The following ITGB3BP variants were observed in gnomAD, a reference collection of about 807,000 sequenced individuals.
ITGB3BP encodes centromere protein R.
ITGB3BP carries 27 observed loss-of-function variants against 29.1 expected under a neutral mutation model. The observed-to-expected ratio is 0.93, with a 90% CI of 0.68 to 1.28. ITGB3BP has a LOEUF of 1.28. ITGB3BP is among the 50% of genes most tolerant of loss of function. ITGB3BP has a pLI of 0.00. For missense variants in ITGB3BP, 192 were observed against 200.2 expected, an observed-to-expected ratio of 0.96 and a Z score of 0.25; for synonymous variants, 61 against 61.4, an observed-to-expected ratio of 0.99 and a Z score of 0.03.
chr1:63,481,927 C>A (rs1351697841), intron 3 of ITGB3BP, among the ~76,000 whole-genome samples: 1 of 151,978 alleles, frequency 6.6e-6, no homozygotes, highest in Non-Finnish European at 1.5e-5. Flanking sequence ...GGATTGAAAC[C>A]CAGACATTTA....
Position 63,446,800 on chromosome 1 carries a change from C to T in ITGB3BP, c.*1+6G>A, listed in dbSNP as rs780471835. The T allele has an allele frequency of 6.3e-7, 1 of 1,593,410 alleles. No homozygotes were observed. The highest frequency in any genetic ancestry group is 2.2e-5 in the East Asian group (1 of 44,684). On this transcript the variant is annotated splice_donor_region_variant and intron_variant, in intron 8 of 8. Transcript: ENST00000271002. ...GTTAAACTAAATTAGAAAGGTGAAACAGTACCTCAGTTTAAAATGGCTTTA... is the reference window on the plus strand; with the variant it reads ...GTTAAACTAAATTAGAAAGGTGAAATAGTACCTCAGTTTAAAATGGCTTTA...
intron 4 of ITGB3BP, 59 bp from the exon 5 acceptor site, chr1:63,455,027 A>G: frequency 1.2e-6 from 1 of 832,268 alleles, no homozygotes; most frequent in Admixed American, 2.1e-5. Context: ...ATGGCAAATC[A>G]TTTTCAGAGC....
chr1:63,514,088 A>T (rs1646258695), intron 1 of ITGB3BP, among the ~76,000 whole-genome samples: 1 of 152,222 alleles, frequency 6.6e-6, no homozygotes, highest in Non-Finnish European at 1.5e-5. Flanking sequence ...TTTTTCCAGC[A>T]TAGATTACTT....
chr1:63,463,788 G>C (rs1165894727), intron 4 of ITGB3BP, among the ~76,000 whole-genome samples: 1 of 151,876 alleles, frequency 6.6e-6, no homozygotes, highest in Non-Finnish European at 1.5e-5. Context: ...GTTTTGTGAA[G>C]AAAAAAACAT....
chr1:63,515,101 G>C (rs1313880843), intron 1 of ITGB3BP, among the ~76,000 whole-genome samples: 1 of 152,030 alleles, frequency 6.6e-6, no homozygotes, highest in Non-Finnish European at 1.5e-5. Flanking sequence ...ACCTACTTCA[G>C]ACTGTAAAAA....
rs767489772 is a variant in ITGB3BP at position 63,454,958 on chromosome 1, A to C, written c.265T>G (p.Leu89Val). 6.6e-7 allele frequency: 1 copy of C among 1,521,168 alleles called. No individual in the cohort carries two copies. The highest frequency in any genetic ancestry group is 9.1e-7 in the Non-Finnish European group (1 of 1,096,882). 94.2% of individuals were successfully genotyped at this position (1,521,168 alleles called of 1,614,324 possible). A position where few individuals can be genotyped will look rare whatever the true frequency, so the allele number is the denominator to read the frequency against. Residue 89 changes from leucine to valine, a missense_variant, in exon 5 of 9, where the codon TTG becomes GTG. Leu to Val is a conservative substitution (Grantham distance 32, BLOSUM62 1). Coordinates refer to ENST00000271002, the MANE Select transcript of ITGB3BP (RefSeq NM_014288.5). This position sits in a 1 kb window ranked among gnomAD's most constrained non-coding sequence, Gnocchi z 4.1. ...TTKDNDEFMM[L>V]LSKVEKLSEE... ...GACAATTTCTCAACTTTTGATAGCA[A>C]CATCATGAATCTAGTAATAAAGAAA...
intron 4 of ITGB3BP, among the ~76,000 whole-genome samples, chr1:63,463,100 G>T (rs933760038): frequency 6.6e-6 from 1 of 151,776 alleles, no homozygotes; most frequent in Non-Finnish European, 1.5e-5. Flanking sequence ...CTAAAAACTA[G>T]CCAGGCATGG....
chr1:63,478,822 T>G lies in ITGB3BP; in HGVS notation c.196A>C (p.Lys66Gln). The part of the protein sequence containing the change: ...RNGLSNEKRK[K>Q]LNHPSLTESK... ...TCAGTTAAACTGGGGTGATTCAATT[T>G]TTTTCTCTTTTCTATATATGTGTAA... Residue 66 changes from lysine to glutamine, a missense_variant, in exon 4 of 9, where the codon AAA becomes CAA. Physicochemically the swap from Lys to Gln is moderately conservative, Grantham distance 53. Transcript: ENST00000271002. 7.3e-7 allele frequency: 1 copy of G among 1,362,740 alleles called. No individual in the cohort carries two copies. Among genetic ancestry groups the G allele is most frequent in the East Asian group, 2.5e-5 (1 of 39,522 alleles). The allele number at this position is 1,362,740 out of a possible 1,614,324, so 84.4% of individuals were successfully genotyped here. A position where few individuals can be genotyped will look rare whatever the true frequency, so the allele number is the denominator to read the frequency against.
At chr1:63,497,228 C>T (rs1645808787) in intron 2 of ITGB3BP, among the ~76,000 whole-genome samples, 1 of 151,956 alleles carries the variant, frequency 6.6e-6, no homozygotes, top group Admixed American at 6.6e-5. Context: ...TCACTTGAGT[C>T]GAGGAGTTCG....
rs144082868 is a variant in ITGB3BP, at chr1:63,484,724, C to G, written c.184+5359G>C. 3.3e-5 allele frequency among the ~76,000 whole-genome samples: 5 copies of G among 152,202 alleles called. No homozygotes were observed. In the East Asian group the frequency reaches 9.6e-4, roughly 29 times the overall value. ...TATGGGTATTATATCTTTTTGACCA[C>G]AGCTCATTAGATAAACTTGCTAATT... On this transcript the variant is annotated intron_variant, in intron 3 of 8. Coordinates refer to ENST00000271002, the MANE Select transcript of ITGB3BP (RefSeq NM_014288.5).
intron 2 of ITGB3BP, among the ~76,000 whole-genome samples, chr1:63,494,795 C>T (rs1645747835): frequency 6.6e-6 from 1 of 152,068 alleles, no homozygotes; most frequent in South Asian, 2.1e-4. Context: ...CTGTCATTCT[C>T]TTACACTGTA....
At chr1:63,503,188 C>T (rs1645982935) in intron 2 of ITGB3BP, among the ~76,000 whole-genome samples, 1 of 152,062 alleles carries the variant, frequency 6.6e-6, no homozygotes, top group African/African-American at 2.4e-5. Flanking sequence ...TGTTTCCTGA[C>T]TTTTTAATGA....
At chr1:63,517,745 T>C (rs1464503698) in intron 1 of ITGB3BP, among the ~76,000 whole-genome samples, 2 of 152,166 alleles carry the variant, frequency 1.3e-5, no homozygotes, top group Non-Finnish European at 2.9e-5. Flanking sequence ...TTTTTGTTTG[T>C]CTTGAGACAG....
intron 3 of ITGB3BP, among the ~76,000 whole-genome samples, chr1:63,484,827 T>C (rs1645497473): frequency 6.6e-6 from 1 of 152,114 alleles, no homozygotes; most frequent in Admixed American, 6.5e-5. Flanking sequence ...TCTCCTACAA[T>C]GATTGTGGAT....
intron 8 of ITGB3BP, chr1:63,446,593 T>G: frequency 1.9e-6 from 1 of 528,628 alleles, no homozygotes; most frequent in Non-Finnish European, 3.4e-6. Flanking sequence ...AGCTCAACAG[T>G]TCTTTCCAAT....
At chr1:63,483,786 C>T (rs544762938) in intron 3 of ITGB3BP, among the ~76,000 whole-genome samples, 1 of 152,150 alleles carries the variant, frequency 6.6e-6, no homozygotes, top group Non-Finnish European at 1.5e-5. Context: ...CTTTTCTACT[C>T]AGATATGTTT....
At chr1:63,451,200 AAAAC>A (rs1232890297) in intron 7 of ITGB3BP, among the ~76,000 whole-genome samples, 5 of 151,618 alleles carry the variant, frequency 3.3e-5, no homozygotes, top group Non-Finnish European at 5.9e-5. Context: ...GAAAGACCAA[AAAAC>A]AAACAAACAA....
At chr1:63,489,589 G>A (rs886204794) in intron 3 of ITGB3BP, among the ~76,000 whole-genome samples, 2 of 151,694 alleles carry the variant, frequency 1.3e-5, no homozygotes, top group African/African-American at 2.4e-5. Context: ...CAAACCTTTT[G>A]TAAATACATT....
chr1:63,444,692 A>C (rs1383049989), intron 8 of ITGB3BP, among the ~76,000 whole-genome samples: 1 of 147,858 alleles, frequency 6.8e-6, no homozygotes, highest in Non-Finnish European at 1.5e-5. Context: ...AGGATTTATA[A>C]GGATAATATT....
Sources: gnomAD v4.1 joint callset for allele counts (sites outside exome capture counted in the v4.1 genomes callset) on GRCh38, gnomAD v4.1.1 for gene constraint, Gnocchi (gnomAD v3.1) non-coding constraint, MANE v1.5 for transcripts, NCBI Gene and HGNC (gene_info 2026-07-23, HGNC 2026-07-21) for gene names.